The following IGF2BP3 variants were observed in gnomAD, a reference collection of about 807,000 sequenced individuals.
IGF2BP3 encodes insulin like growth factor 2 mRNA binding protein 3.
In IGF2BP3, 9 loss-of-function variants were observed where a neutral mutation model predicts 73.8. That is an observed-to-expected ratio of 0.12 (90% CI 0.07 to 0.21). The LOEUF is 0.21. IGF2BP3 is among the 10% of genes least tolerant of loss of function. IGF2BP3 has a pLI of 1.00. For missense variants in IGF2BP3, 542 were observed against 714.0 expected (o/e 0.76, Z 2.75); for synonymous variants, 258 against 256.7 (o/e 1.01, Z -0.05).
intron 3 of IGF2BP3, chr7:23,414,432 C>G (rs957896381): frequency 6.6e-5 from 10 of 152,196 alleles, no homozygotes; most frequent in African/African-American, 2.4e-4. Context: ...AAACACCAAA[C>G]GTCACAAGCG....
intron 2 of IGF2BP3, chr7:23,467,946 G>C (rs1407728849): frequency 6.3e-6 from 1 of 158,768 alleles, no homozygotes; most frequent in Non-Finnish European, 1.4e-5. Flanking sequence ...GCACTTCTGG[G>C]CCAGAGAGGC....
intron 3 of IGF2BP3, among the ~76,000 whole-genome samples, chr7:23,415,743 T>C (rs923042645): frequency 6.6e-6 from 1 of 152,222 alleles, no homozygotes; most frequent in Non-Finnish European, 1.5e-5. Context: ...CCTCCAAGTC[T>C]CTAGGATCCA....
intron 3 of IGF2BP3, among the ~76,000 whole-genome samples, chr7:23,394,133 A>G (rs77512152): frequency 6.6e-6 from 1 of 152,340 alleles, no homozygotes; most frequent in African/African-American, 2.4e-5. Flanking sequence ...AAGGTCTTTC[A>G]GCTACAGACA....
intron 12 of IGF2BP3, among the ~76,000 whole-genome samples, chr7:23,316,901 T>TA (rs1784007050): frequency 6.6e-6 from 1 of 152,204 alleles, no homozygotes; most frequent in Non-Finnish European, 1.5e-5. Flanking sequence ...GCCCATGTGT[T>TA]AGGCACTTTT....
chr7:23,430,588 G>A (rs773884213), intron 2 of IGF2BP3, among the ~76,000 whole-genome samples: 36 of 152,116 alleles, frequency 2.4e-4, no homozygotes, highest in Non-Finnish European at 5.1e-4. Flanking sequence ...ATTTCAATAT[G>A]GCTATACTGT....
At chr7:23,410,041 C>A (rs1236146328) in intron 3 of IGF2BP3, among the ~76,000 whole-genome samples, 1 of 152,028 alleles carries the variant, frequency 6.6e-6, no homozygotes, top group African/African-American at 2.4e-5. Context: ...TGTTGGTGGG[C>A]GCCTGTAATC....
chr7:23,349,576 C>G (rs925439066), intron 6 of IGF2BP3, among the ~76,000 whole-genome samples: 3 of 152,128 alleles, frequency 2.0e-5, no homozygotes, highest in Non-Finnish European at 4.4e-5. Context: ...AAGCTCCGAT[C>G]CCCTGAGAGA....
chr7:23,340,625 G>C (rs189655332), intron 10 of IGF2BP3, among the ~76,000 whole-genome samples: 24 of 152,200 alleles, frequency 1.6e-4, no homozygotes, highest in Middle Eastern at 6.8e-3. Flanking sequence ...AAAAGGGAGA[G>C]ATGTCAAAAC....
chr7:23,396,586 A>G (rs1583988338), intron 3 of IGF2BP3: 1 of 152,544 alleles, frequency 6.6e-6, no homozygotes. Flanking sequence ...TATGGGAGAA[A>G]TACAGGAGAG....
chr7:23,461,460 G>T (rs2128551522), intron 2 of IGF2BP3, among the ~76,000 whole-genome samples: 1 of 152,130 alleles, frequency 6.6e-6, no homozygotes, highest in Admixed American at 6.5e-5. Flanking sequence ...CAAAACCAAA[G>T]TTCCTATTTT....
chr7:23,329,544 C>CCCCT (rs1396282130), intron 10 of IGF2BP3, among the ~76,000 whole-genome samples: 32 of 152,308 alleles, frequency 2.1e-4, no homozygotes, highest in African/African-American at 7.2e-4. Context: ...TACAAAAAGG[C>CCCCT]CCCTGCTCAG....
chr7:23,443,249 C>T (rs1464767173), intron 2 of IGF2BP3, among the ~76,000 whole-genome samples: 6 of 151,818 alleles, frequency 4.0e-5, no homozygotes, highest in Admixed American at 3.3e-4. Flanking sequence ...CCTCAGCCTC[C>T]AGAGTAGCTG....
chr7:23,355,523 G>A (rs927618972), intron 5 of IGF2BP3, among the ~76,000 whole-genome samples: 1 of 152,042 alleles, frequency 6.6e-6, no homozygotes, highest in Non-Finnish European at 1.5e-5. Flanking sequence ...GAGCCACAGC[G>A]CCAGACCAGG....
intron 3 of IGF2BP3, among the ~76,000 whole-genome samples, chr7:23,373,273 A>G (rs1267383297): frequency 6.6e-6 from 1 of 152,192 alleles, no homozygotes; most frequent in Admixed American, 6.5e-5. Flanking sequence ...AACATTCAAA[A>G]TAGTTCAATG....
chr7:23,442,687 C>T (rs899294410), intron 2 of IGF2BP3, among the ~76,000 whole-genome samples: 8 of 152,042 alleles, frequency 5.3e-5, no homozygotes, highest in African/African-American at 1.4e-4. Context: ...CTTGAGCTAC[C>T]GAGCCCAGTC....
intron 3 of IGF2BP3, chr7:23,415,146 C>T: frequency 9.0e-6 from 2 of 221,468 alleles, no homozygotes; most frequent in South Asian, 9.0e-5. Flanking sequence ...TCCTGTCTGT[C>T]AGTCAGCTTC....
intron 2 of IGF2BP3, among the ~76,000 whole-genome samples, chr7:23,438,227 C>A (rs1267813288): frequency 6.6e-6 from 1 of 152,192 alleles, no homozygotes; most frequent in African/African-American, 2.4e-5. Flanking sequence ...TCAAGTAATT[C>A]TCCTGTCTCA....
chr7:23,395,818 C>A (rs189058931), intron 3 of IGF2BP3, among the ~76,000 whole-genome samples: 15 of 151,472 alleles, frequency 9.9e-5, no homozygotes, highest in African/African-American at 3.4e-4. Context: ...CCCAGCTACT[C>A]GGGAGGCTGA....
At chr7:23,451,938 A>AT (rs1219801822) in intron 2 of IGF2BP3, among the ~76,000 whole-genome samples, 28 of 127,728 alleles carry the variant, frequency 2.2e-4, no homozygotes, top group African/African-American at 5.9e-4. Flanking sequence ...ACAGAGCAAG[A>AT]TAAAAAAAAA....
Sources: gnomAD v4.1 joint callset for allele counts (sites outside exome capture counted in the v4.1 genomes callset) on GRCh38, gnomAD v4.1.1 for gene constraint, MANE v1.5 for transcripts, NCBI Gene and HGNC (gene_info 2026-07-23, HGNC 2026-07-21) for gene names.